NCOA1: variants seen among roughly 807,000 people sequenced by gnomAD.
The protein encoded by NCOA1 is Hin-2 protein.
In NCOA1, 35 loss-of-function variants were observed where a neutral mutation model predicts 150.9. The observed-to-expected ratio is 0.23, with a 90% CI of 0.18 to 0.31. The LOEUF is 0.31. Ranked by LOEUF, NCOA1 falls within the 10% of genes least tolerant of loss-of-function variation. The probability of loss-of-function intolerance (pLI) is 1.00; values close to 1 mark genes in which losing one functional copy is unlikely to be tolerated. For missense variants in NCOA1, 1,491 were observed against 1,749.3 expected, an observed-to-expected ratio of 0.85 and a Z score of 2.63; for synonymous variants, 590 against 630.0, an observed-to-expected ratio of 0.94 and a Z score of 0.95.
chr2:24,575,120 T>A (rs772709263), intron 2 of NCOA1, among the ~76,000 whole-genome samples: 1 of 152,168 alleles, frequency 6.6e-6, no homozygotes, highest in Non-Finnish European at 1.5e-5. Context: ...TCAGTTACAT[T>A]GATCTTAGCT....
intron 2 of NCOA1, among the ~76,000 whole-genome samples, chr2:24,577,950 G>A (rs1397062127): frequency 2.6e-5 from 4 of 152,082 alleles, no homozygotes; most frequent in African/African-American, 9.7e-5. Context: ...GAGTTTACCT[G>A]TGCAGTTAAC....
intron 1 of NCOA1, among the ~76,000 whole-genome samples, chr2:24,503,733 G>T (rs1228862956): frequency 2.1e-4 from 28 of 132,084 alleles, no homozygotes; most frequent in African/African-American, 5.1e-4. Context: ...ACTTGTCTCT[G>T]TTTTTTTTTT....
chr2:24,523,216 TA>T (rs1224213103), intron 1 of NCOA1, among the ~76,000 whole-genome samples: 1 of 152,200 alleles, frequency 6.6e-6, no homozygotes, highest in Non-Finnish European at 1.5e-5. Context: ...ATCAGCTTTT[TA>T]AAACAAATAA....
intron 3 of NCOA1, among the ~76,000 whole-genome samples, chr2:24,601,728 G>A (rs1243918302): frequency 2.0e-5 from 3 of 151,900 alleles, no homozygotes; most frequent in Non-Finnish European, 2.9e-5. Context: ...CGCCTCCTGG[G>A]TTCAAGCAAT....
At chr2:24,735,776 C>A (rs995747089) in intron 17 of NCOA1, among the ~76,000 whole-genome samples, 1 of 152,082 alleles carries the variant, frequency 6.6e-6, no homozygotes, top group African/African-American at 2.4e-5. Flanking sequence ...AAAAGCAATA[C>A]GAAGTTACAA....
intron 1 of NCOA1, among the ~76,000 whole-genome samples, chr2:24,517,878 A>G (rs1664269519): frequency 6.6e-6 from 1 of 152,216 alleles, no homozygotes; most frequent in African/African-American, 2.4e-5. Flanking sequence ...AAATGATAAT[A>G]TAGTAATAGC....
At position 24,637,881 on chromosome 2, in the gene NCOA1, A is replaced by G. The variant is rs941492006; in HGVS notation, c.-174-6085A>G. Among the ~76,000 whole-genome samples, 4 of 152,218 alleles carry G rather than the reference A, an allele frequency of 2.6e-5. No individual in the cohort carries two copies. In the East Asian group the frequency reaches 7.7e-4, roughly 29 times the overall value. ...CGGCTAATTTTGTATTTTTTAGTAA[A>G]GACGGGGTTTCTCCATGTTGGTCAG... On this transcript the variant is annotated intron_variant, in intron 3 of 22. Coordinates refer to ENST00000348332, the MANE Select transcript of NCOA1 (RefSeq NM_003743.5).
At chr2:24,539,579 A>G (rs1256811957) in intron 1 of NCOA1, among the ~76,000 whole-genome samples, 2 of 152,212 alleles carry the variant, frequency 1.3e-5, no homozygotes, top group African/African-American at 4.8e-5. Context: ...GGACAGATTC[A>G]TGATGTGATT....
intron 22 of NCOA1, among the ~76,000 whole-genome samples, chr2:24,766,447 G>T (rs1665068515): frequency 6.6e-6 from 1 of 152,116 alleles, no homozygotes; most frequent in Non-Finnish European, 1.5e-5. Flanking sequence ...TTCTGTTGTG[G>T]CCAATCATGA....
chr2:24,570,716 TGTGATCAAGTCTCTA>T (rs1295588851), intron 2 of NCOA1, among the ~76,000 whole-genome samples: 27 of 152,314 alleles, frequency 1.8e-4, no homozygotes, highest in African/African-American at 6.3e-4. Flanking sequence ...TGAACCCGAA[TGTGATCAAGTCTCTA>T]GCTCTACCAG....
chr2:24,610,766 G>GT (rs1668587525), intron 3 of NCOA1, among the ~76,000 whole-genome samples: 2 of 146,556 alleles, frequency 1.4e-5, no homozygotes, highest in South Asian at 4.3e-4. Flanking sequence ...TATTTATTGT[G>GT]GTTTTTTTTT....
chr2:24,744,542 T>C (rs1663789965), intron 19 of NCOA1, among the ~76,000 whole-genome samples: 1 of 152,248 alleles, frequency 6.6e-6, no homozygotes, highest in Non-Finnish European at 1.5e-5. Context: ...AGGTTTTGTG[T>C]TGGCACAAAA....
At chr2:24,611,819 G>A (rs753279553) in intron 3 of NCOA1, among the ~76,000 whole-genome samples, 14 of 151,984 alleles carry the variant, frequency 9.2e-5, no homozygotes, top group African/African-American at 2.7e-4. Flanking sequence ...TGTTATGTGC[G>A]GGATGGGTCT....
At chr2:24,571,970 A>G (rs1666761259) in intron 2 of NCOA1, among the ~76,000 whole-genome samples, 1 of 152,166 alleles carries the variant, frequency 6.6e-6, no homozygotes, top group Non-Finnish European at 1.5e-5. Context: ...TGATACTTAG[A>G]TAAAATTACT....
chr2:24,715,165 A>G (rs1339993344), intron 14 of NCOA1, among the ~76,000 whole-genome samples: 2 of 152,194 alleles, frequency 1.3e-5, no homozygotes, highest in Non-Finnish European at 2.9e-5. Context: ...TGTTCAAGCT[A>G]AAATAAAATG....
chr2:24,624,666 A>G (rs1295481225), intron 3 of NCOA1, among the ~76,000 whole-genome samples: 2 of 152,210 alleles, frequency 1.3e-5, no homozygotes, highest in South Asian at 2.1e-4. Flanking sequence ...GGCAGATACA[A>G]TTCCTTTCTT....
intron 8 of NCOA1, among the ~76,000 whole-genome samples, chr2:24,690,329 G>A (rs978206979): frequency 1.3e-5 from 2 of 152,142 alleles, no homozygotes; most frequent in Non-Finnish European, 2.9e-5. Context: ...TCATTGGAGA[G>A]TTTAAGGTAG....
At chr2:24,524,763 A>G (rs1269086911) in intron 1 of NCOA1, among the ~76,000 whole-genome samples, 1 of 151,812 alleles carries the variant, frequency 6.6e-6, no homozygotes, top group Non-Finnish European at 1.5e-5. Flanking sequence ...ACCCACCACA[A>G]TGCCCAGCTA....
At chr2:24,682,928 A>G (rs937060477) in intron 7 of NCOA1, 23 bp from the exon 8 acceptor site, 1 of 1,558,170 alleles carries the variant, frequency 6.4e-7, no homozygotes, top group African/African-American at 1.4e-5. Context: ...CCTCCAAACC[A>G]TTTTTTTCTT....
Sources: gnomAD v4.1 joint callset for allele counts (sites outside exome capture counted in the v4.1 genomes callset) on GRCh38, gnomAD v4.1.1 for gene constraint, MANE v1.5 for transcripts, NCBI Gene and HGNC (gene_info 2026-07-23, HGNC 2026-07-21) for gene names.